SLC12A8: variants seen among roughly 807,000 people sequenced by gnomAD.
SLC12A8 encodes the protein solute carrier family 12 member 8, also known as cation-chloride cotransporter 9.
In SLC12A8, 69 loss-of-function variants were observed where a neutral mutation model predicts 75.6. The observed-to-expected ratio is 0.91, with a 90% CI of 0.75 to 1.11. The LOEUF is 1.11. Among genes scored for constraint, SLC12A8 ranks in the 50% most tolerant of loss-of-function variants. The pLI, the probability that SLC12A8 is intolerant of heterozygous loss-of-function variation, is 0.00. For synonymous variants in SLC12A8, 365 were observed against 372.8 expected (o/e 0.98, Z 0.24); for missense variants, 877 against 896.7 (o/e 0.98, Z 0.28).
rs776564193 is a variant in SLC12A8 at position 125,083,942 on chromosome 3, C to A, written c.2093G>T (p.Arg698Leu). Residue 698 changes from arginine to leucine, a missense_variant, in exon 14 of 14, where the codon CGC becomes CTC. Arg to Leu is a moderately radical substitution (Grantham distance 102, BLOSUM62 -2). Transcript: ENST00000469902. Reference sequence around the variant, plus strand: ...GTTCACGAGGGAGGAGTGGTGGTAGCGATCCCGAGTGGCGAAGTCTGCATT... The same window carrying A: ...GTTCACGAGGGAGGAGTGGTGGTAGAGATCCCGAGTGGCGAAGTCTGCATT... ...QENADFATRD[R>L]YHHSSLVNRE... 4.3e-6 allele frequency: 7 copies of A among 1,613,524 alleles called. No homozygotes were observed. Among genetic ancestry groups the A allele is most frequent in the Non-Finnish European group, 5.9e-6 (7 of 1,179,866 alleles).
At position 125,107,565 on chromosome 3, in the gene SLC12A8, T is replaced by C. The variant is rs1206960390; in HGVS notation, c.1621A>G (p.Lys541Glu). 2 of 1,614,176 alleles carry C rather than the reference T, an allele frequency of 1.2e-6. No individual in the cohort carries two copies. Among genetic ancestry groups the C allele is most frequent in the African/African-American group, 1.3e-5 (1 of 75,042 alleles). ...CCCTCAGGCTGAGTCCCTTCGCTCTTGGAAGTCTGCTTGTTCCAGCAGGAC... is the reference window on the plus strand; with the variant it reads ...CCCTCAGGCTGAGTCCCTTCGCTCTCGGAAGTCTGCTTGTTCCAGCAGGAC... ...QESCWNKQTS[K>E]SEGTQPEGTY... Residue 541 changes from lysine (K) to glutamate (E), a missense_variant, in exon 10 of 14, where the codon AAG becomes GAG. Lys to Glu is a moderately conservative substitution (Grantham distance 56). Transcript: ENST00000469902.
chr3:125,199,150 T>C (rs954762917), intron 2 of SLC12A8, among the ~76,000 whole-genome samples: 1 of 152,202 alleles, frequency 6.6e-6, no homozygotes, highest in African/African-American at 2.4e-5. Context: ...AAAACATTCT[T>C]GTTCTTAGGA....
intron 5 of SLC12A8, among the ~76,000 whole-genome samples, chr3:125,172,121 A>C (rs924537764): frequency 3.7e-4 from 56 of 152,044 alleles, no homozygotes; most frequent in African/African-American, 1.3e-3. Flanking sequence ...TAAAAATATA[A>C]AAATTAGCCA....
chr3:125,132,986 A>G (rs1933396975), intron 6 of SLC12A8, among the ~76,000 whole-genome samples: 3 of 151,984 alleles, frequency 2.0e-5, no homozygotes, highest in Admixed American at 2.0e-4. Context: ...AAAGTGAGAG[A>G]CTAAAAATGC....
In SLC12A8 at chr3:125,107,694, T is replaced by C. The variant is rs1939065613; in HGVS notation, c.1492A>G (p.Lys498Glu). 3 of 1,614,092 alleles carry C rather than the reference T, an allele frequency of 1.9e-6. No homozygotes were observed. Among genetic ancestry groups the C allele is most frequent in the African/African-American group, 1.3e-5 (1 of 75,022 alleles). Residue 498 changes from lysine to glutamate, a missense_variant, in exon 10 of 14, where the codon AAG becomes GAG. Lys to Glu is a moderately conservative substitution (Grantham distance 56). Coordinates refer to ENST00000469902, the MANE Select transcript of SLC12A8 (RefSeq NM_024628.6). ...SQKRKSKKAT[K>E]QTLQDSFLLD... is the part of the protein sequence containing the mutation. ...AGGAAGCTATCTTGTAGGGTCTGCT[T>C]GGTGGCCTTCTTGCTTTTCCTCTTC... is the stretch of plus-strand genomic sequence containing the variant.
chr3:125,107,716 C>T lies in SLC12A8; in HGVS notation c.1470G>A (p.Lys490=), dbSNP rs779914272. Residue 490 remains lysine, a synonymous_variant, in exon 10 of 14, where the codon AAG becomes AAA. Transcript: ENST00000469902. ...GEGNRTPESQ[K]RKSKKATKQT... ...GCTTGGTGGCCTTCTTGCTTTTCCTCTTCTGACTTTCTGGGGTCCTGTTAC... is the reference window on the plus strand; with the variant it reads ...GCTTGGTGGCCTTCTTGCTTTTCCTTTTCTGACTTTCTGGGGTCCTGTTAC... 2 of 1,614,158 alleles carry T rather than the reference C, an allele frequency of 1.2e-6. No individual in the cohort carries two copies. Among genetic ancestry groups the T allele is most frequent in the Non-Finnish European group, 1.7e-6 (2 of 1,180,036 alleles).
At chr3:125,084,535 T>C (rs899504428) in intron 13 of SLC12A8, among the ~76,000 whole-genome samples, 5 of 152,250 alleles carry the variant, frequency 3.3e-5, no homozygotes, top group African/African-American at 1.2e-4. Flanking sequence ...TAAGAGGGAC[T>C]GCAAAGGCTT....
At position 125,190,378 on chromosome 3, in the gene SLC12A8, C is replaced by G. The variant is rs775151548; in HGVS notation, c.195G>C (p.Leu65=). 1 of 1,614,148 alleles carries G rather than the reference C, an allele frequency of 6.2e-7. No homozygotes were observed. Among genetic ancestry groups the G allele is most frequent in the Non-Finnish European group, 8.5e-7 (1 of 1,179,998 alleles). ...GVVLFLRTGW[L]VGNTGVLLGM... is the part of the protein sequence containing the mutation. The stretch of plus-strand genomic sequence containing the variant: ...AGGCCACCAACTCAGCACTCACCAC[C>G]AGCCAGCCAGTCCTCAGGAAGAGCA... The change falls in exon 3 of 14, where the codon CTG becomes CTC. Residue 65 remains leucine, a synonymous_variant. Transcript: ENST00000469902.
intron 10 of SLC12A8, 135 bp downstream of exon 10, chr3:125,107,346 G>A (rs1939053260): frequency 2.5e-6 from 2 of 806,816 alleles, no homozygotes. Flanking sequence ...TGAATATAAT[G>A]TTTTAAAACA....
Position 125,083,942 on chromosome 3 carries a change from C to T in SLC12A8, c.2093G>A (p.Arg698His), listed in dbSNP as rs776564193. Residue 698 changes from arginine (R) to histidine (H), a missense_variant, in exon 14 of 14, where the codon CGC becomes CAC. By Grantham distance (29) the Arg-to-His change is conservative (BLOSUM62 0). Transcript: ENST00000469902. ...GTTCACGAGGGAGGAGTGGTGGTAGCGATCCCGAGTGGCGAAGTCTGCATT... is the reference window on the plus strand; with the variant it reads ...GTTCACGAGGGAGGAGTGGTGGTAGTGATCCCGAGTGGCGAAGTCTGCATT... ...QENADFATRD[R>H]YHHSSLVNRE... 56 of 1,613,406 alleles carry T rather than the reference C, an allele frequency of 3.5e-5. No individual in the cohort carries two copies. The highest frequency in any genetic ancestry group is 4.5e-5 in the Non-Finnish European group (53 of 1,179,874).
At chr3:125,163,283 G>C (rs994892146) in intron 5 of SLC12A8, among the ~76,000 whole-genome samples, 1 of 151,478 alleles carries the variant, frequency 6.6e-6, no homozygotes, top group African/African-American at 2.4e-5. Context: ...CTGGGTGAGA[G>C]AGCAAGACCC....
chr3:125,102,555 GA>G (rs1288137566), intron 10 of SLC12A8, among the ~76,000 whole-genome samples: 4 of 152,248 alleles, frequency 2.6e-5, no homozygotes, highest in African/African-American at 7.2e-5. Context: ...GAGAGTCTTG[GA>G]GACTTAGCAA....
chr3:125,118,645 A>T, intron 8 of SLC12A8, 124 bp downstream of exon 8: 1 of 646,604 alleles, frequency 1.5e-6, no homozygotes, highest in Non-Finnish European at 2.7e-6. Context: ...TAAATTAATT[A>T]AATTTTAAAA....
chr3:125,180,666 G>A (rs1007063238), intron 4 of SLC12A8, among the ~76,000 whole-genome samples: 28 of 152,102 alleles, frequency 1.8e-4, no homozygotes, highest in African/African-American at 6.8e-4. Context: ...ACTCCAGCCT[G>A]GGCAGAAAAT....
Position 125,096,129 on chromosome 3 carries a change from C to T in SLC12A8, c.1706-3931G>A, listed in dbSNP as rs190409056. 2.6e-3 allele frequency among the ~76,000 whole-genome samples: 390 copies of T among 152,322 alleles called. 1 individual carries two copies. Among genetic ancestry groups the T allele is most frequent in the Admixed American group, 5.7e-3 (87 of 15,304 alleles). On this transcript the variant is annotated intron_variant, in intron 10 of 13. Coordinates refer to ENST00000469902, the MANE Select transcript of SLC12A8 (RefSeq NM_024628.6). ...TTCTTGATGAGTTGCCAGTCCAGTTCCCACCTGGACTTTTTTACATGCCAG... is the reference window on the plus strand; with the variant it reads ...TTCTTGATGAGTTGCCAGTCCAGTTTCCACCTGGACTTTTTTACATGCCAG...
intron 5 of SLC12A8, among the ~76,000 whole-genome samples, chr3:125,158,346 G>T (rs983006969): frequency 6.6e-6 from 1 of 151,820 alleles, no homozygotes; most frequent in Admixed American, 6.6e-5. Flanking sequence ...TCAGCCTCCC[G>T]AGTAGCTGGA....
intron 8 of SLC12A8, among the ~76,000 whole-genome samples, chr3:125,113,940 C>G (rs1712465): frequency 0.98 from 149,580 of 152,266 alleles, 73,518 homozygotes; most frequent in East Asian, 1. Context: ...ATTTGCAAGG[C>G]GCTCATTCTG....
At chr3:125,125,915 T>C (rs1933194012) in intron 6 of SLC12A8, 13 of 984,394 alleles carry the variant, frequency 1.3e-5, no homozygotes, top group South Asian at 4.7e-5. Context: ...ATCGGCGCGA[T>C]GCATTGGTTT....
At chr3:125,116,078 T>C (rs1372662052) in intron 8 of SLC12A8, among the ~76,000 whole-genome samples, 1 of 152,208 alleles carries the variant, frequency 6.6e-6, no homozygotes, top group Non-Finnish European at 1.5e-5. Context: ...TACCTGCTAC[T>C]GCAGCGGAGT....
Sources: allele counts gnomAD v4.1 joint callset (sites outside exome capture counted in the v4.1 genomes callset), GRCh38; gene constraint gnomAD v4.1.1; transcripts MANE v1.5; gene names NCBI Gene and HGNC (gene_info 2026-07-23, HGNC 2026-07-21).